The following NRXN3 variants were observed in gnomAD, a reference collection of about 807,000 sequenced individuals.
The protein encoded by NRXN3 is neurexin 3.
A neutral mutation model predicts 137.6 loss-of-function variants in NRXN3; 32 were observed. The ratio of observed to expected loss-of-function variants is 0.23; its 90% CI spans 0.18 to 0.31. The LOEUF (loss-of-function observed/expected upper bound fraction) is 0.31. Ranked by LOEUF, NRXN3 falls within the 10% of genes least tolerant of loss-of-function variation. The pLI, the probability that NRXN3 is intolerant of heterozygous loss-of-function variation, is 1.00. For missense variants in NRXN3, 1,574 were observed against 2,062.5 expected (o/e 0.76, Z 4.59); for synonymous variants, 798 against 784.5 (o/e 1.02, Z -0.29).
chr14:78,923,673 T>A (rs1206723764), intron 10 of NRXN3, among the ~76,000 whole-genome samples: 1 of 152,048 alleles, frequency 6.6e-6, no homozygotes, highest in Non-Finnish European at 1.5e-5. Context: ...TGCTTTGCTA[T>A]GTTTCCTTCC....
At chr14:79,342,578 T>C (rs746694374) in intron 15 of NRXN3, among the ~76,000 whole-genome samples, 4 of 151,974 alleles carry the variant, frequency 2.6e-5, no homozygotes, top group Admixed American at 1.3e-4. Context: ...CCTTGGGATA[T>C]AAAATTTTAA....
intron 3 of NRXN3, among the ~76,000 whole-genome samples, chr14:78,287,727 T>G (rs1395666771): frequency 6.6e-6 from 1 of 152,242 alleles, no homozygotes; most frequent in Admixed American, 6.5e-5. Context: ...AGAATAGCTC[T>G]AATTACACTC....
chr14:79,282,157 C>G (rs1169487769), intron 15 of NRXN3, among the ~76,000 whole-genome samples: 1 of 150,848 alleles, frequency 6.6e-6, no homozygotes, highest in African/African-American at 2.4e-5. Flanking sequence ...GCCACAACCA[C>G]CAAAAAAGCA....
At chr14:79,638,408 C>T (rs760088084) in intron 16 of NRXN3, among the ~76,000 whole-genome samples, 40 of 152,208 alleles carry the variant, frequency 2.6e-4, no homozygotes, top group Middle Eastern at 3.4e-3. Flanking sequence ...CACCATTTTA[C>T]AGGTGAGAAA....
At chr14:78,622,635 T>C (rs2097417616) in intron 4 of NRXN3, among the ~76,000 whole-genome samples, 1 of 152,066 alleles carries the variant, frequency 6.6e-6, no homozygotes, top group Non-Finnish European at 1.5e-5. Context: ...CCTCTTAAAG[T>C]GTCTTCTTAA....
intron 15 of NRXN3, among the ~76,000 whole-genome samples, chr14:79,269,785 G>A (rs1228937212): frequency 1.3e-5 from 2 of 152,046 alleles, no homozygotes; most frequent in African/African-American, 2.4e-5. Context: ...AGCTGTGTAG[G>A]TGTTGCTAGT....
chr14:79,611,409 C>G (rs545241591), intron 16 of NRXN3: 1 of 152,310 alleles, frequency 6.6e-6, no homozygotes, highest in Admixed American at 6.5e-5. Context: ...ACCATCCTGG[C>G]TAACACGGTG....
chr14:79,174,654 G>T (rs866170072), intron 15 of NRXN3, among the ~76,000 whole-genome samples: 1 of 150,194 alleles, frequency 6.7e-6, no homozygotes, highest in Non-Finnish European at 1.5e-5. Context: ...AAAGAGGAAA[G>T]ATTAAGTAAA....
At chr14:79,208,225 T>C (rs545173193) in intron 15 of NRXN3, among the ~76,000 whole-genome samples, 105 of 152,266 alleles carry the variant, frequency 6.9e-4, no homozygotes, top group African/African-American at 2.4e-3. Flanking sequence ...AACTCTCTGG[T>C]GGGGTTTCTT....
At chr14:78,300,950 C>T (rs905575115) in intron 4 of NRXN3, among the ~76,000 whole-genome samples, 5 of 152,162 alleles carry the variant, frequency 3.3e-5, no homozygotes, top group Admixed American at 2.6e-4. Context: ...TGATCTTGTA[C>T]TCTTTCTATC....
chr14:79,256,902 C>T (rs1221958089), intron 15 of NRXN3, among the ~76,000 whole-genome samples: 2 of 152,050 alleles, frequency 1.3e-5, no homozygotes, highest in African/African-American at 4.8e-5. Context: ...TGTGTGCATG[C>T]ATACATGTGT....
intron 15 of NRXN3, among the ~76,000 whole-genome samples, chr14:79,421,854 C>G (rs1236640233): frequency 6.6e-6 from 1 of 152,108 alleles, no homozygotes; most frequent in Admixed American, 6.5e-5. Context: ...ATAATTTATT[C>G]TCTGTGCTTA....
intron 8 of NRXN3, among the ~76,000 whole-genome samples, chr14:78,791,331 A>G (rs968651325): frequency 2.0e-5 from 3 of 152,286 alleles, no homozygotes; most frequent in African/African-American, 4.8e-5. Context: ...AAAAATGAAC[A>G]TGCAAACCAA....
intron 4 of NRXN3, among the ~76,000 whole-genome samples, chr14:78,433,644 C>T (rs575532332): frequency 6.6e-6 from 1 of 152,208 alleles, no homozygotes; most frequent in East Asian, 1.9e-4. Flanking sequence ...AGCTCCCTTC[C>T]CTTTTCTTGC....
At chr14:79,392,074 ATGGTGGTT>A (rs1385948930) in intron 15 of NRXN3, among the ~76,000 whole-genome samples, 2 of 152,064 alleles carry the variant, frequency 1.3e-5, no homozygotes, top group African/African-American at 2.4e-5. Flanking sequence ...TACATGTGCC[ATGGTGGTT>A]TGCTGCACCC....
At chr14:79,476,001 T>C (rs918720230) in intron 16 of NRXN3, among the ~76,000 whole-genome samples, 2 of 152,162 alleles carry the variant, frequency 1.3e-5, no homozygotes, top group Admixed American at 1.3e-4. Flanking sequence ...CAGGACTTAA[T>C]GGCAAGCCTC....
intron 1 of NRXN3, among the ~76,000 whole-genome samples, chr14:78,195,665 G>A (rs922914141): frequency 4.6e-5 from 7 of 152,188 alleles, no homozygotes; most frequent in Non-Finnish European, 8.8e-5. Context: ...GGCGTCTTGG[G>A]TGGGCGTGAA....
At chr14:79,692,389 T>C (rs779550471) in intron 18 of NRXN3, 127 bp downstream of exon 18, 2 of 745,646 alleles carry the variant, frequency 2.7e-6, no homozygotes, top group Non-Finnish European at 4.3e-6. Context: ...ATTTTCATTA[T>C]AATTTGTGTC....
At chr14:78,905,121 T>C (rs983099643) in intron 10 of NRXN3, among the ~76,000 whole-genome samples, 2 of 152,046 alleles carry the variant, frequency 1.3e-5, no homozygotes, top group Non-Finnish European at 2.9e-5. Flanking sequence ...CACCCTGTCA[T>C]CTTCAGTTGA....
Sources: gnomAD v4.1 joint callset for allele counts (sites outside exome capture counted in the v4.1 genomes callset) on GRCh38, gnomAD v4.1.1 for gene constraint, MANE v1.5 for transcripts, NCBI Gene and HGNC (gene_info 2026-07-23, HGNC 2026-07-21) for gene names.